CCDC73: variants seen among roughly 807,000 people sequenced by gnomAD.
The protein encoded by CCDC73 is coiled-coil domain-containing protein 73.
In CCDC73, 95 loss-of-function variants were observed where a neutral mutation model predicts 116.5. The observed-to-expected ratio is 0.82, with a 90% confidence interval of 0.69 to 0.97. CCDC73 has a LOEUF of 0.97. Ranked by LOEUF, CCDC73 falls within the 50% of genes least tolerant of loss-of-function variation. The pLI is 0.00. For synonymous variants in CCDC73, 398 were observed against 401.3 expected, an observed-to-expected ratio of 0.99 and a Z score of 0.10; for missense variants, 1,066 against 1,206.8, an observed-to-expected ratio of 0.88 and a Z score of 1.73.
At chr11:32,773,619 A>AACACAC (rs150048304) in intron 1 of CCDC73, among the ~76,000 whole-genome samples, 2 of 150,492 alleles carry the variant, frequency 1.3e-5, no homozygotes, top group African/African-American at 4.9e-5. Flanking sequence ...CATCTTCACA[A>AACACAC]ACACACACAC....
intron 9 of CCDC73, among the ~76,000 whole-genome samples, chr11:32,660,253 A>C (rs1369914779): frequency 6.6e-6 from 1 of 150,482 alleles, no homozygotes; most frequent in African/African-American, 2.5e-5. Context: ...AAAAAAAAAA[A>C]AACAGGTTGG....
At chr11:32,792,666 A>C (rs565232066) in intron 1 of CCDC73, among the ~76,000 whole-genome samples, 1 of 152,334 alleles carries the variant, frequency 6.6e-6, no homozygotes, top group South Asian at 2.1e-4. Flanking sequence ...CTCCTTCAGA[A>C]AACTCAGTCA....
At chr11:32,617,263 C>T (rs1855482297) in intron 14 of CCDC73, among the ~76,000 whole-genome samples, 1 of 152,100 alleles carries the variant, frequency 6.6e-6, no homozygotes, top group Non-Finnish European at 1.5e-5. Context: ...TGTGATCTGA[C>T]TGGAAAGACC....
At position 32,675,958 on chromosome 11, in the gene CCDC73, C is replaced by G. The variant is rs774071808; in HGVS notation, c.493G>C (p.Glu165Gln). Residue 165 changes from glutamate (E) to glutamine (Q), a missense_variant, in exon 8 of 18, where the codon GAG (glutamate) becomes CAG (glutamine). Glu to Gln is a conservative substitution (Grantham distance 29). Transcript: ENST00000335185. ...CCTGTTATTGTGGCATAATATTTCTCAATTTCACTCAGTTGCTTATGATAG... is the reference window on the plus strand; with the variant it reads ...CCTGTTATTGTGGCATAATATTTCTGAATTTCACTCAGTTGCTTATGATAG... ...EDYHKQLSEI[E>Q]KYYATITGQF... The G allele has an allele frequency of 6.2e-7, 1 of 1,609,462 alleles. No homozygotes were observed. The highest frequency in any genetic ancestry group is 8.5e-7 in the Non-Finnish European group (1 of 1,178,418).
intron 3 of CCDC73, among the ~76,000 whole-genome samples, chr11:32,703,833 T>G (rs1849832932): frequency 6.6e-6 from 1 of 152,268 alleles, no homozygotes; most frequent in Non-Finnish European, 1.5e-5. Context: ...TCTAGATGAC[T>G]TTAACATTCT....
chr11:32,653,056 A>T, intron 12 of CCDC73, 67 bp downstream of exon 12: 1 of 902,940 alleles, frequency 1.1e-6, no homozygotes, highest in Non-Finnish European at 1.8e-6. Flanking sequence ...ACTAAACAGG[A>T]AGTTAATTAG....
At chr11:32,818,403 G>A in the CCDC73 span, among the ~76,000 whole-genome samples, 1 of 152,100 alleles carries the variant, frequency 6.6e-6, no homozygotes, top group Admixed American at 6.5e-5. Context: ...ATAATAATCG[G>A]GTCTACTGCA....
chr11:32,691,899 T>G (rs1856262388), intron 6 of CCDC73, among the ~76,000 whole-genome samples: 1 of 151,752 alleles, frequency 6.6e-6, no homozygotes, highest in Admixed American at 6.6e-5. Flanking sequence ...ATACAAAAAA[T>G]TAGCTGGGCG....
chr11:32,610,882 G>T (rs1258336974), intron 17 of CCDC73, among the ~76,000 whole-genome samples: 1 of 152,160 alleles, frequency 6.6e-6, no homozygotes, highest in African/African-American at 2.4e-5. Flanking sequence ...GTAAGAAATA[G>T]AAGTACATAT....
At chr11:32,751,068 A>G (rs769282917) in intron 2 of CCDC73, among the ~76,000 whole-genome samples, 15 of 152,204 alleles carry the variant, frequency 9.9e-5, no homozygotes, top group Non-Finnish European at 1.9e-4. Context: ...TCAAGGCAGC[A>G]GGTTTCCTGT....
At chr11:32,672,168 C>T (rs1165028233) in intron 9 of CCDC73, among the ~76,000 whole-genome samples, 1 of 152,026 alleles carries the variant, frequency 6.6e-6, no homozygotes, top group Non-Finnish European at 1.5e-5. Context: ...ACAGTGAAAC[C>T]CCGTCTCTAC....
chr11:32,610,685 T>C (rs1367729936), intron 17 of CCDC73, among the ~76,000 whole-genome samples: 2 of 152,218 alleles, frequency 1.3e-5, no homozygotes, highest in Admixed American at 1.3e-4. Flanking sequence ...CATGGATACT[T>C]GATCCTTTCA....
chr11:32,687,670 A>G (rs1334027471), intron 6 of CCDC73, among the ~76,000 whole-genome samples: 2 of 152,208 alleles, frequency 1.3e-5, no homozygotes, highest in African/African-American at 4.8e-5. Flanking sequence ...GTGTATATGT[A>G]TGTAAATATA....
chr11:32,656,555 A>T (rs958888934), intron 9 of CCDC73, among the ~76,000 whole-genome samples: 18 of 152,298 alleles, frequency 1.2e-4, no homozygotes, highest in African/African-American at 4.1e-4. Context: ...ATAGTCAGGG[A>T]AGTGTAGTAA....
chr11:32,697,469 T>C (rs1856321821), intron 6 of CCDC73, among the ~76,000 whole-genome samples: 1 of 149,648 alleles, frequency 6.7e-6, no homozygotes, highest in African/African-American at 2.5e-5. Flanking sequence ...TTGGTTGTTA[T>C]ATCTCTTTAT....
chr11:32,687,289 T>C (rs1371039006), intron 6 of CCDC73, among the ~76,000 whole-genome samples: 1 of 152,016 alleles, frequency 6.6e-6, no homozygotes, highest in East Asian at 1.9e-4. Context: ...TTTTCCCATG[T>C]AAGGGAGGGC....
chr11:32,613,198 G>A (rs962831408), intron 16 of CCDC73, among the ~76,000 whole-genome samples: 1 of 152,116 alleles, frequency 6.6e-6, no homozygotes, highest in African/African-American at 2.4e-5. Context: ...AAGGATGAAT[G>A]AAGAGCATAT....
At chr11:32,722,602 T>C (rs547565037) in intron 2 of CCDC73, among the ~76,000 whole-genome samples, 1 of 152,282 alleles carries the variant, frequency 6.6e-6, no homozygotes, top group African/African-American at 2.4e-5. Flanking sequence ...TATTAAAACA[T>C]ATTGAAAAAG....
chr11:32,748,518 A>G (rs1486024141), intron 2 of CCDC73, among the ~76,000 whole-genome samples: 1 of 152,150 alleles, frequency 6.6e-6, no homozygotes, highest in African/African-American at 2.4e-5. Context: ...TATGTCTTGA[A>G]AAGCTGTTGT....
Sources: allele counts gnomAD v4.1 joint callset (sites outside exome capture counted in the v4.1 genomes callset), GRCh38; gene constraint gnomAD v4.1.1; transcripts MANE v1.5; gene names NCBI Gene and HGNC (gene_info 2026-07-23, HGNC 2026-07-21).